The following NRXN3 variants were observed in gnomAD, a reference collection of about 807,000 sequenced individuals.
NRXN3 encodes the protein neurexin 3.
In NRXN3, 32 loss-of-function variants were observed where a neutral mutation model predicts 137.6. The ratio of observed to expected loss-of-function variants is 0.23; its 90% CI spans 0.18 to 0.31. The LOEUF is 0.31. NRXN3 is among the 10% of genes least tolerant of loss of function. The probability of loss-of-function intolerance (pLI) is 1.00; values close to 1 mark genes in which losing one functional copy is unlikely to be tolerated. For missense variants in NRXN3, 1,574 were observed against 2,062.5 expected (o/e 0.76, Z 4.59); for synonymous variants, 798 against 784.5 (o/e 1.02, Z -0.29).
chr14:79,695,124 C>T (rs749949499), intron 18 of NRXN3, among the ~76,000 whole-genome samples: 6 of 151,892 alleles, frequency 4.0e-5, no homozygotes, highest in Non-Finnish European at 8.8e-5. Flanking sequence ...CAGTCTTGAA[C>T]AGGCAAAGAG....
At chr14:78,363,259 A>G (rs1171263667) in intron 4 of NRXN3, among the ~76,000 whole-genome samples, 1 of 152,152 alleles carries the variant, frequency 6.6e-6, no homozygotes, top group East Asian at 1.9e-4. Context: ...GCACTCCTCT[A>G]ACCTCTGATG....
intron 4 of NRXN3, among the ~76,000 whole-genome samples, chr14:78,555,411 C>A (rs2096728867): frequency 6.6e-6 from 1 of 152,172 alleles, no homozygotes; most frequent in South Asian, 2.1e-4. Context: ...TAAGTCTTCT[C>A]ATTCTAGTTT....
chr14:78,205,326 G>T (rs2062079966), intron 1 of NRXN3, among the ~76,000 whole-genome samples: 1 of 152,240 alleles, frequency 6.6e-6, no homozygotes, highest in Non-Finnish European at 1.5e-5. Context: ...ACTTGCCCAT[G>T]CAAGCATCTT....
intron 15 of NRXN3, among the ~76,000 whole-genome samples, chr14:79,024,523 G>A (rs1020584294): frequency 6.6e-5 from 10 of 152,132 alleles, no homozygotes; most frequent in African/African-American, 1.4e-4. Context: ...AGCTGAATTA[G>A]GTATTAAAGT....
At chr14:78,302,166 T>C (rs1283021185) in intron 4 of NRXN3, among the ~76,000 whole-genome samples, 2 of 152,066 alleles carry the variant, frequency 1.3e-5, no homozygotes, top group African/African-American at 4.8e-5. Flanking sequence ...TTAGATTCAG[T>C]CTCTGTCTCT....
intron 4 of NRXN3, among the ~76,000 whole-genome samples, chr14:78,556,097 C>A (rs1002504727): frequency 2.6e-5 from 4 of 152,222 alleles, no homozygotes; most frequent in African/African-American, 9.6e-5. Context: ...CCTTCTAGCA[C>A]AGGCTGCTGC....
intron 16 of NRXN3, among the ~76,000 whole-genome samples, chr14:79,559,404 C>T (rs961109577): frequency 7.2e-5 from 11 of 151,984 alleles, no homozygotes; most frequent in Admixed American, 7.2e-4. Flanking sequence ...TGTTGTGTCT[C>T]AGAGAATAGG....
chr14:78,668,618 G>C (rs552400067), intron 6 of NRXN3, among the ~76,000 whole-genome samples: 1 of 152,106 alleles, frequency 6.6e-6, no homozygotes, highest in African/African-American at 2.4e-5. Context: ...ACAGCCCTTC[G>C]GTGACAAGGA....
intron 4 of NRXN3, among the ~76,000 whole-genome samples, chr14:78,541,432 A>G (rs1235892484): frequency 6.6e-6 from 1 of 152,152 alleles, no homozygotes; most frequent in Non-Finnish European, 1.5e-5. Context: ...TGTATGCATC[A>G]TGAAGTTCTC....
intron 15 of NRXN3, among the ~76,000 whole-genome samples, chr14:79,348,219 A>C (rs2092996111): frequency 1.3e-5 from 2 of 152,178 alleles, no homozygotes; most frequent in South Asian, 2.1e-4. Flanking sequence ...TTATTCAACT[A>C]TATGATGTAA....
intron 1 of NRXN3, chr14:78,231,139 T>C (rs1245373502): frequency 5.3e-5 from 8 of 152,304 alleles, no homozygotes; most frequent in East Asian, 3.9e-4. Flanking sequence ...AGATGGTAGA[T>C]TGGGTGAGGG....
chr14:78,653,328 C>T (rs957553238), intron 6 of NRXN3, among the ~76,000 whole-genome samples: 1 of 152,132 alleles, frequency 6.6e-6, no homozygotes, highest in African/African-American at 2.4e-5. Context: ...GACTCTTAAA[C>T]ACTGTTAAAT....
At chr14:78,769,026 G>T (rs1453166092) in intron 8 of NRXN3, among the ~76,000 whole-genome samples, 1 of 152,146 alleles carries the variant, frequency 6.6e-6, no homozygotes, top group Non-Finnish European at 1.5e-5. Flanking sequence ...AGGGTTTAAA[G>T]TTCCAACCCT....
intron 15 of NRXN3, among the ~76,000 whole-genome samples, chr14:79,372,180 G>A (rs1363982870): frequency 1.3e-5 from 2 of 152,036 alleles, no homozygotes; most frequent in Non-Finnish European, 2.9e-5. Context: ...TTGTAAAGGT[G>A]AAGAAAATTG....
intron 15 of NRXN3, chr14:79,279,809 A>G: frequency 1.0e-6 from 1 of 991,670 alleles, no homozygotes; most frequent in South Asian, 4.6e-5. Context: ...GGAAACAGGA[A>G]AATAAAAATG....
chr14:79,127,065 C>A (rs2056635966), intron 15 of NRXN3, among the ~76,000 whole-genome samples: 1 of 151,928 alleles, frequency 6.6e-6, no homozygotes, highest in African/African-American at 2.4e-5. Flanking sequence ...ATTGTAGATT[C>A]TGGATATTAG....
chr14:78,663,877 A>G (rs2097860031), intron 6 of NRXN3, among the ~76,000 whole-genome samples: 1 of 152,234 alleles, frequency 6.6e-6, no homozygotes, highest in Non-Finnish European at 1.5e-5. Flanking sequence ...TTGTACACAT[A>G]TACCTACAGG....
At chr14:79,471,989 C>T in intron 16 of NRXN3, among the ~76,000 whole-genome samples, 1 of 152,090 alleles carries the variant, frequency 6.6e-6, no homozygotes, top group East Asian at 1.9e-4. Context: ...CCTCTCCCTC[C>T]TCCCACCCTC....
chr14:78,302,835 G>A (rs2077004915), intron 4 of NRXN3, among the ~76,000 whole-genome samples: 1 of 152,182 alleles, frequency 6.6e-6, no homozygotes, highest in African/African-American at 2.4e-5. Context: ...TAGAGAGAGA[G>A]CTTGTTGAGA....
Sources: gnomAD v4.1 joint callset for allele counts (sites outside exome capture counted in the v4.1 genomes callset) on GRCh38, gnomAD v4.1.1 for gene constraint, MANE v1.5 for transcripts, NCBI Gene and HGNC (gene_info 2026-07-23, HGNC 2026-07-21) for gene names.